The following GRM7 variants were observed in gnomAD, a reference collection of about 807,000 sequenced individuals.
The protein encoded by GRM7 is metabotropic glutamate receptor 7.
In GRM7, 35 loss-of-function variants were observed where a neutral mutation model predicts 84.5. The ratio of observed to expected loss-of-function variants is 0.41; its 90% confidence interval spans 0.32 to 0.55. GRM7 has a LOEUF of 0.55. Among genes scored for constraint, GRM7 ranks in the 20% least tolerant of loss-of-function variants. The pLI is 0.19. For synonymous variants in GRM7, 487 were observed against 455.1 expected (o/e 1.07, Z -0.89); for missense variants, 1,003 against 1,194.6 (o/e 0.84, Z 2.36).
At chr3:7,125,117 T>G in intron 1 of GRM7, among the ~76,000 whole-genome samples, 1 of 152,100 alleles carries the variant, frequency 6.6e-6, no homozygotes, top group East Asian at 1.9e-4. Context: ...GTTTTGTATT[T>G]TTAGTAGATA....
intron 8 of GRM7, among the ~76,000 whole-genome samples, chr3:7,614,307 AC>A (rs1425747601): frequency 6.6e-6 from 1 of 152,080 alleles, no homozygotes; most frequent in Non-Finnish European, 1.5e-5. Context: ...GATAAACAGC[AC>A]CCAGGTAAAT....
At chr3:7,542,024 C>T (rs745952208) in intron 7 of GRM7, among the ~76,000 whole-genome samples, 23 of 152,120 alleles carry the variant, frequency 1.5e-4, no homozygotes, top group Admixed American at 9.2e-4. Context: ...CATCTTATGG[C>T]GTTCTCCCTG....
At chr3:7,687,145 A>G (rs2125147460) in intron 9 of GRM7, among the ~76,000 whole-genome samples, 1 of 152,330 alleles carries the variant, frequency 6.6e-6, no homozygotes, top group South Asian at 2.1e-4. Context: ...AAAGACCACA[A>G]GGGTCTAAAG....
chr3:7,462,158 G>A (rs1407283321), intron 7 of GRM7, among the ~76,000 whole-genome samples: 1 of 152,074 alleles, frequency 6.6e-6, no homozygotes, highest in African/African-American at 2.4e-5. Flanking sequence ...GATTATCTGA[G>A]TAATTGCAGT....
At chr3:7,588,365 T>C (rs1361685428) in intron 8 of GRM7, among the ~76,000 whole-genome samples, 1 of 152,212 alleles carries the variant, frequency 6.6e-6, no homozygotes, top group African/African-American at 2.4e-5. Flanking sequence ...CCTTTTATAA[T>C]ACATTTGGTT....
At chr3:7,017,969 A>G (rs1335577225) in intron 1 of GRM7, among the ~76,000 whole-genome samples, 1 of 152,204 alleles carries the variant, frequency 6.6e-6, no homozygotes, top group African/African-American at 2.4e-5. Flanking sequence ...AGCCAAATAA[A>G]AGGGAAAGAT....
intron 3 of GRM7, among the ~76,000 whole-genome samples, chr3:7,306,085 G>C (rs1323966723): frequency 1.3e-5 from 2 of 152,058 alleles, no homozygotes; most frequent in African/African-American, 4.8e-5. Flanking sequence ...CAGAGATAGT[G>C]TATACCATCA....
chr3:7,177,375 C>A (rs931812538), intron 2 of GRM7, among the ~76,000 whole-genome samples: 4 of 152,132 alleles, frequency 2.6e-5, no homozygotes, highest in Non-Finnish European at 5.9e-5. Flanking sequence ...TTTGAGGAAT[C>A]AGTAATTATG....
intron 2 of GRM7, among the ~76,000 whole-genome samples, chr3:7,165,228 T>A (rs1694761321): frequency 6.6e-6 from 1 of 152,234 alleles, no homozygotes; most frequent in Non-Finnish European, 1.5e-5. Context: ...TCCCAGTAAC[T>A]GCATTTCTTG....
At chr3:6,949,289 G>A (rs1025849886) in intron 1 of GRM7, among the ~76,000 whole-genome samples, 4 of 152,134 alleles carry the variant, frequency 2.6e-5, no homozygotes, top group African/African-American at 9.7e-5. Flanking sequence ...TGTCTGTAAA[G>A]TATTTTATTT....
At chr3:7,022,889 A>G (rs1480980365) in intron 1 of GRM7, among the ~76,000 whole-genome samples, 4 of 152,186 alleles carry the variant, frequency 2.6e-5, no homozygotes, top group Non-Finnish European at 5.9e-5. Context: ...ATTAATGTAC[A>G]TGGAGGAGGC....
At chr3:7,056,205 C>T (rs1459322338) in intron 1 of GRM7, among the ~76,000 whole-genome samples, 3 of 152,002 alleles carry the variant, frequency 2.0e-5, no homozygotes, top group Non-Finnish European at 4.4e-5. Context: ...TTCTTTTCCC[C>T]AACGCAGGGC....
At chr3:7,061,542 T>G (rs1347240892) in intron 1 of GRM7, among the ~76,000 whole-genome samples, 1 of 151,722 alleles carries the variant, frequency 6.6e-6, no homozygotes, top group East Asian at 1.9e-4. Flanking sequence ...GAAATTGTGA[T>G]AGGAAAGAAT....
At chr3:6,964,383 C>T (rs981697158) in intron 1 of GRM7, among the ~76,000 whole-genome samples, 2 of 151,952 alleles carry the variant, frequency 1.3e-5, no homozygotes, top group African/African-American at 2.4e-5. Flanking sequence ...CTCTGGGGTC[C>T]CTTTTATGAG....
intron 2 of GRM7, among the ~76,000 whole-genome samples, chr3:7,298,084 G>A (rs1699872346): frequency 6.6e-6 from 1 of 152,102 alleles, no homozygotes; most frequent in Admixed American, 6.6e-5. Context: ...ACTAAATGAG[G>A]TAACATCTGT....
At chr3:6,981,835 C>T (rs937301989) in intron 1 of GRM7, among the ~76,000 whole-genome samples, 14 of 152,216 alleles carry the variant, frequency 9.2e-5, no homozygotes, top group Admixed American at 7.2e-4. Context: ...AATAAAAACA[C>T]TTATACACTA....
intron 5 of GRM7, among the ~76,000 whole-genome samples, chr3:7,422,875 TG>T (rs1467388739): frequency 6.6e-6 from 1 of 152,180 alleles, no homozygotes; most frequent in African/African-American, 2.4e-5. Flanking sequence ...AAGGCACATT[TG>T]TTGATATATT....
intron 7 of GRM7, chr3:7,519,701 G>C (rs756082): frequency 6.6e-6 from 1 of 152,208 alleles, no homozygotes; most frequent in African/African-American, 2.4e-5. Flanking sequence ...GTATAAAAAA[G>C]AATTGTTCTG....
chr3:7,317,607 T>G (rs1047546311), intron 4 of GRM7, among the ~76,000 whole-genome samples: 6 of 152,112 alleles, frequency 3.9e-5, no homozygotes, highest in African/African-American at 1.4e-4. Context: ...CCTACATCAG[T>G]TACAGTGTTG....
Sources: allele counts gnomAD v4.1 joint callset (sites outside exome capture counted in the v4.1 genomes callset), GRCh38; gene constraint gnomAD v4.1.1; transcripts MANE v1.5; gene names NCBI Gene and HGNC (gene_info 2026-07-23, HGNC 2026-07-21).